NAALADL2: variants seen among roughly 807,000 people sequenced by gnomAD.
NAALADL2 encodes the protein inactive N-acetylated-alpha-linked acidic dipeptidase-like protein 2.
NAALADL2 carries 76 observed loss-of-function variants against 87.2 expected under a neutral mutation model. The ratio of observed to expected loss-of-function variants is 0.87; its 90% CI spans 0.72 to 1.05. NAALADL2 has a LOEUF of 1.05. Among genes scored for constraint, NAALADL2 ranks in the 50% least tolerant of loss-of-function variants. The pLI, the probability that NAALADL2 is intolerant of heterozygous loss-of-function variation, is 0.00. For synonymous variants in NAALADL2, 354 were observed against 331.0 expected, an observed-to-expected ratio of 1.07 and a Z score of -0.75; for missense variants, 1,089 against 945.8, an observed-to-expected ratio of 1.15 and a Z score of -1.99.
intron 3 of NAALADL2, among the ~76,000 whole-genome samples, chr3:174,802,599 G>A (rs538067822): frequency 2.0e-5 from 3 of 152,052 alleles, no homozygotes; most frequent in South Asian, 4.1e-4. Context: ...CGTCATTGAC[G>A]TTAAGTATTT....
intron 9 of NAALADL2, among the ~76,000 whole-genome samples, chr3:175,533,617 C>T (rs4426685): frequency 0.018 from 2,758 of 152,294 alleles, 83 homozygotes; most frequent in African/African-American, 0.063. Context: ...TCCCACACGT[C>T]CCCATTCCAA....
In NAALADL2 at chr3:175,113,881, A is replaced by C. The variant is rs190438786; in HGVS notation, c.545+16590A>C. Among the ~76,000 whole-genome samples the C allele has an allele frequency of 1.1e-3, 174 of 151,716 alleles. 2 individuals carry two copies. The highest frequency in any genetic ancestry group is 9.8e-3 in the Admixed American group (149 of 15,166). On this transcript the variant is annotated intron_variant, in intron 2 of 13. Coordinates refer to ENST00000454872, the MANE Select transcript of NAALADL2 (RefSeq NM_207015.3). Reference sequence around the variant, plus strand: ...GGAGAAAACGCTGTCTCTGTTTTTCAAGGCTGTTTGTTACATACACAGTCT... The same window carrying C: ...GGAGAAAACGCTGTCTCTGTTTTTCCAGGCTGTTTGTTACATACACAGTCT...
At chr3:174,900,714 A>G (rs948909105) in intron 1 of NAALADL2, among the ~76,000 whole-genome samples, 5 of 152,070 alleles carry the variant, frequency 3.3e-5, no homozygotes, top group Non-Finnish European at 5.9e-5. Flanking sequence ...AAAAATAACT[A>G]AATTTTAACA....
At chr3:175,502,958 G>T (rs1226748748) in intron 9 of NAALADL2, among the ~76,000 whole-genome samples, 2 of 151,226 alleles carry the variant, frequency 1.3e-5, no homozygotes, top group African/African-American at 4.9e-5. Flanking sequence ...TTAGGTTCAG[G>T]GGTACATATA....
intron 1 of NAALADL2, among the ~76,000 whole-genome samples, chr3:174,450,869 CA>C (rs761513802): frequency 0.19 from 13,945 of 74,826 alleles, 231 homozygotes; most frequent in South Asian, 0.25. Context: ...GACTCTGTCT[CA>C]AAAAAAAAAA....
At chr3:175,048,200 G>C (rs2109005458) in intron 1 of NAALADL2, among the ~76,000 whole-genome samples, 1 of 151,696 alleles carries the variant, frequency 6.6e-6, no homozygotes, top group Non-Finnish European at 1.5e-5. Context: ...AAAAATGTCA[G>C]GTAAAGGATT....
At chr3:175,342,959 T>C (rs916003991) in intron 5 of NAALADL2, among the ~76,000 whole-genome samples, 6 of 152,092 alleles carry the variant, frequency 3.9e-5, no homozygotes, top group African/African-American at 1.4e-4. Context: ...TAGCATAATA[T>C]TTCTTTTAGA....
intron 1 of NAALADL2, among the ~76,000 whole-genome samples, chr3:174,882,448 T>A (rs1729320669): frequency 6.6e-6 from 1 of 151,396 alleles, no homozygotes; most frequent in Non-Finnish European, 1.5e-5. Flanking sequence ...TATATATGTG[T>A]GTATATATAC....
At chr3:175,078,423 A>C (rs1418134922) in intron 1 of NAALADL2, among the ~76,000 whole-genome samples, 2 of 152,222 alleles carry the variant, frequency 1.3e-5, no homozygotes, top group East Asian at 3.9e-4. Flanking sequence ...AAAATTATTT[A>C]GATATAAATT....
rs146056574 is a variant in NAALADL2, at chr3:175,143,484, G to A, written c.545+46193G>A. 5.4e-3 allele frequency among the ~76,000 whole-genome samples: 779 copies of A among 144,248 alleles called. 2 individuals are homozygous for A. The highest frequency in any genetic ancestry group is 0.015 in the Middle Eastern group (4 of 268). 94.6% of individuals were successfully genotyped at this position (144,248 alleles called of 152,430 possible). Reference sequence around the variant, plus strand: ...TATCAGCAGTTGACAAAAACAGAACGACTTGTTTGGCATCTCAATATAATT... The same window carrying A: ...TATCAGCAGTTGACAAAAACAGAACAACTTGTTTGGCATCTCAATATAATT... On this transcript the variant is annotated intron_variant, in intron 2 of 13. Coordinates refer to ENST00000454872, the MANE Select transcript of NAALADL2 (RefSeq NM_207015.3).
At chr3:175,378,096 G>A (rs567701656) in intron 5 of NAALADL2, among the ~76,000 whole-genome samples, 11 of 152,326 alleles carry the variant, frequency 7.2e-5, no homozygotes, top group South Asian at 2.1e-4. Flanking sequence ...AAGGAGCACT[G>A]TAACACTCCC....
intron 2 of NAALADL2, among the ~76,000 whole-genome samples, chr3:175,161,315 G>T (rs1733170685): frequency 6.6e-6 from 1 of 151,518 alleles, no homozygotes; most frequent in Non-Finnish European, 1.5e-5. Context: ...TGTGAAGACT[G>T]CAAAACAGAA....
intron 3 of NAALADL2, among the ~76,000 whole-genome samples, chr3:174,797,343 G>C (rs541927440): frequency 9.8e-6 from 1 of 101,526 alleles, no homozygotes; most frequent in Non-Finnish European, 1.7e-5. Context: ...ACAGAGTCTC[G>C]CTTTGTCACC....
At chr3:174,464,007 A>C (rs1716371640) in intron 1 of NAALADL2, among the ~76,000 whole-genome samples, 1 of 152,182 alleles carries the variant, frequency 6.6e-6, no homozygotes, top group Non-Finnish European at 1.5e-5. Flanking sequence ...TAAAGTAAGA[A>C]ATACACTGAA....
At chr3:175,438,064 T>G (rs1235066216) in intron 5 of NAALADL2, among the ~76,000 whole-genome samples, 1 of 152,084 alleles carries the variant, frequency 6.6e-6, no homozygotes, top group Non-Finnish European at 1.5e-5. Flanking sequence ...ATCATGAATT[T>G]TAGGCTTACA....
chr3:174,706,775 A>G (rs1265637989), intron 2 of NAALADL2, among the ~76,000 whole-genome samples: 1 of 152,200 alleles, frequency 6.6e-6, no homozygotes, highest in African/African-American at 2.4e-5. Flanking sequence ...TTTAGGTCTA[A>G]CATTTAAGTC....
intron 10 of NAALADL2, among the ~76,000 whole-genome samples, chr3:175,623,738 A>G (rs1034332527): frequency 6.6e-6 from 1 of 152,016 alleles, no homozygotes; most frequent in African/African-American, 2.4e-5. Context: ...AATCTCATAA[A>G]GCCTCAGGGA....
chr3:175,667,208 AAAGAAAG>A (rs1220275414), intron 11 of NAALADL2, among the ~76,000 whole-genome samples: 9 of 121,530 alleles, frequency 7.4e-5, no homozygotes, highest in Admixed American at 2.2e-4. Flanking sequence ...AGAAAGAAAG[AAAGAAAG>A]AAAGAAAGAA....
In NAALADL2 at chr3:174,903,890, T is replaced by C. The variant is rs542372725; in HGVS notation, c.43+44440T>C. The stretch of plus-strand genomic sequence containing the variant: ...AATGTACTTTTTTATAAATATGTTT[T>C]GGTGTGTGTCCTAAAATCCTTTCTG... On this transcript the variant is annotated intron_variant, in intron 1 of 13. Coordinates refer to ENST00000454872, the MANE Select transcript of NAALADL2 (RefSeq NM_207015.3). 2.6e-4 allele frequency among the ~76,000 whole-genome samples: 40 copies of C among 151,910 alleles called. 1 individual carries two copies. The highest frequency in any genetic ancestry group is 9.2e-4 in the African/African-American group (38 of 41,468).
Sources: allele counts gnomAD v4.1 joint callset (sites outside exome capture counted in the v4.1 genomes callset), GRCh38; gene constraint gnomAD v4.1.1; transcripts MANE v1.5; gene names NCBI Gene and HGNC (gene_info 2026-07-23, HGNC 2026-07-21).